The following DCTN3 variants were observed in gnomAD, a reference collection of about 807,000 sequenced individuals.
DCTN3 encodes dynactin subunit 3.
DCTN3 carries 25 observed loss-of-function variants against 28.4 expected under a neutral mutation model. That is an observed-to-expected ratio of 0.88 (90% CI 0.64 to 1.23). The LOEUF (loss-of-function observed/expected upper bound fraction) is 1.23, where lower values mean the gene tolerates loss of function less well. Among genes scored for constraint, DCTN3 ranks in the 50% most tolerant of loss-of-function variants. The pLI is 0.00. For missense variants in DCTN3, 229 were observed against 232.0 expected, an observed-to-expected ratio of 0.99 and a Z score of 0.08; for synonymous variants, 81 against 91.4, an observed-to-expected ratio of 0.89 and a Z score of 0.65.
At chr9:34,619,278 T>G (rs991280044) in intron 1 of DCTN3, among the ~76,000 whole-genome samples, 1 of 152,170 alleles carries the variant, frequency 6.6e-6, no homozygotes, top group Non-Finnish European at 1.5e-5. Flanking sequence ...CAGATTGAGT[T>G]TGAAATGACT....
chr9:34,614,383 G>C, intron 5 of DCTN3: 1 of 677,474 alleles, frequency 1.5e-6, no homozygotes, highest in Middle Eastern at 4.2e-4. Context: ...AACTCTCTTT[G>C]AACTTTACAC....
At position 34,614,104 on chromosome 9, in the gene DCTN3, G is replaced by A. The variant is rs2132298160; in HGVS notation, c.412-3C>T. ...TCAGTGATTTCCACACACTGGTCCTGTAGGGCCAAAGTGTAGCACAGAAAG... is the reference window on the plus strand; with the variant it reads ...TCAGTGATTTCCACACACTGGTCCTATAGGGCCAAAGTGTAGCACAGAAAG... On this transcript the variant is annotated splice_region_variant and splice_polypyrimidine_tract_variant and intron_variant, in intron 5 of 6. Coordinates refer to ENST00000259632, the MANE Select transcript of DCTN3 (RefSeq NM_007234.5). 1.2e-6 allele frequency: 2 copies of A among 1,614,128 alleles called. No homozygotes were observed. Among genetic ancestry groups the A allele is most frequent in the East Asian group, 2.2e-5 (1 of 44,882 alleles).
chr9:34,617,300 G>A (rs963664503), intron 3 of DCTN3, among the ~76,000 whole-genome samples: 3 of 152,194 alleles, frequency 2.0e-5, no homozygotes, highest in Non-Finnish European at 4.4e-5. Context: ...TGAGGGCAGG[G>A]ACTTTCTGGT....
Position 34,618,926 on chromosome 9 carries a change from C to T in DCTN3, c.97-166G>A, listed in dbSNP as rs375128324. Among the ~76,000 whole-genome samples the T allele has an allele frequency of 1.3e-3, 195 of 152,282 alleles. No homozygotes were observed. Among genetic ancestry groups the T allele is most frequent in the African/African-American group, 4.4e-3 (184 of 41,540 alleles). On this transcript the variant is annotated intron_variant, in intron 1 of 6. Coordinates refer to ENST00000259632, the MANE Select transcript of DCTN3 (RefSeq NM_007234.5). ...GATGCAGCCCCACCTTCCAGGAATC[C>T]TTAAAGTGGAGAGAGAGAATCATGT...
chr9:34,618,172 T>C (rs909285877), intron 2 of DCTN3, among the ~76,000 whole-genome samples: 1 of 152,166 alleles, frequency 6.6e-6, no homozygotes, highest in African/African-American at 2.4e-5. Context: ...AAGTCTCTTC[T>C]GACATCAAGC....
rs1820423061 is a variant in DCTN3, at chr9:34,616,259, G to A, written c.269-146C>T. The A allele has an allele frequency of 1.6e-6, 1 of 611,744 alleles. No individual in the cohort carries two copies. Among genetic ancestry groups the A allele is most frequent in the Non-Finnish European group, 3.0e-6 (1 of 338,696 alleles). The allele number at this position is 611,744 out of a possible 1,614,324, so 37.9% of individuals were successfully genotyped here. On this transcript the variant is annotated intron_variant, in intron 3 of 6. Coordinates refer to ENST00000259632, the MANE Select transcript of DCTN3 (RefSeq NM_007234.5). This position sits in a 1 kb window ranked among gnomAD's most constrained non-coding sequence, Gnocchi z 4.7. ...ACTCTGTCCACTGCCCCCTTCTCTA[G>A]GTGCACATTTCCATCCTGCCCCCAA...
chr9:34,620,187 C>A (rs948375715), intron 1 of DCTN3, among the ~76,000 whole-genome samples, 182 bp downstream of exon 1: 2 of 152,194 alleles, frequency 1.3e-5, no homozygotes, highest in African/African-American at 4.8e-5. Flanking sequence ...GCTTAACCAC[C>A]CGCAGAGCCC....
intron 5 of DCTN3, 135 bp downstream of exon 5, chr9:34,614,575 A>G (rs1200493277): frequency 1.0e-6 from 1 of 984,468 alleles, no homozygotes; most frequent in African/African-American, 1.6e-5. Context: ...GGCATATGCA[A>G]GATAAAGGAT....
chr9:34,620,051 C>T (rs911871197), intron 1 of DCTN3, among the ~76,000 whole-genome samples: 6 of 152,186 alleles, frequency 3.9e-5, no homozygotes, highest in Admixed American at 2.0e-4. Context: ...GCCTTCCTAT[C>T]GTGGACTTCA....
chr9:34,620,469 A>G lies in DCTN3; in HGVS notation c.-5T>C, dbSNP rs758008889. ...CAAGTCAGTCAGACCCGCCATCGCT[A>G]CTACCGACCCACCTCGGCCAGGAAA... On this transcript the variant is annotated 5_prime_UTR_variant, in exon 1 of 7. Coordinates refer to ENST00000259632, the MANE Select transcript of DCTN3 (RefSeq NM_007234.5). 26 of 1,549,332 alleles carry G rather than the reference A, an allele frequency of 1.7e-5. No individual in the cohort carries two copies. Among genetic ancestry groups the G allele is most frequent in the Non-Finnish European group, 2.0e-5 (23 of 1,147,326 alleles).
chr9:34,620,397 C>T lies in DCTN3; in HGVS notation c.68G>A (p.Gly23Glu), dbSNP rs1820528933. Residue 23 changes from glycine to glutamate, a missense_variant, in exon 1 of 7, where the codon GGG (glycine) becomes GAG (glutamate). By Grantham distance (98) the Gly-to-Glu change is moderately conservative (BLOSUM62 -2). Transcript: ENST00000259632. ...RVEELERWVY[G>E]PGGARGSRKV... ...CCGTGAGCCGCGCGCCCCGCCCGGC[C>T]CGTACACCCAGCGCTCCAGCTCTTC... The T allele has an allele frequency of 1.3e-6, 2 of 1,595,758 alleles. No homozygotes were observed. Among genetic ancestry groups the T allele is most frequent in the African/African-American group, 1.3e-5 (1 of 74,636 alleles).
intron 2 of DCTN3, 128 bp from the exon 3 acceptor site, chr9:34,618,099 C>T (rs1820465264): frequency 3.5e-6 from 3 of 847,830 alleles, no homozygotes; most frequent in South Asian, 1.7e-5. Context: ...AACAGTGCCA[C>T]ATGAGCAGGG....
intron 4 of DCTN3, chr9:34,615,037 G>A (rs1320565176): frequency 1.4e-5 from 7 of 483,932 alleles, no homozygotes; most frequent in Non-Finnish European, 1.8e-5. Flanking sequence ...CCCCACCCCA[G>A]TGCTATAAGC....
chr9:34,616,158 G>T lies in DCTN3; in HGVS notation c.269-45C>A. The T allele has an allele frequency of 6.6e-7, 1 of 1,520,786 alleles. No individual in the cohort carries two copies. Among genetic ancestry groups the T allele is most frequent in the South Asian group, 1.1e-5 (1 of 88,594 alleles). The allele number at this position is 1,520,786 out of a possible 1,614,324, so 94.2% of individuals were successfully genotyped here. On this transcript the variant is annotated intron_variant, in intron 3 of 6. Coordinates refer to ENST00000259632, the MANE Select transcript of DCTN3 (RefSeq NM_007234.5). The surrounding 1 kb of genome is among the most constrained non-coding windows in gnomAD (Gnocchi z 4.7). ...GATAGTTGCAGTGAAGCAAACCTGGGCATTGCTAATCAGCCCATGTAAGGG... is the reference window on the plus strand; with the variant it reads ...GATAGTTGCAGTGAAGCAAACCTGGTCATTGCTAATCAGCCCATGTAAGGG...
intron 6 of DCTN3, 85 bp from the exon 7 acceptor site, chr9:34,613,956 T>A: frequency 6.2e-7 from 1 of 1,611,842 alleles, no homozygotes; most frequent in South Asian, 1.1e-5. Context: ...GTGGGTAGGA[T>A]AGGATGAGAG....
chr9:34,613,775 G>A lies in DCTN3; in HGVS notation c.*7C>T. On this transcript the variant is annotated 3_prime_UTR_variant, in exon 7 of 7. Coordinates refer to ENST00000259632, the MANE Select transcript of DCTN3 (RefSeq NM_007234.5). The stretch of plus-strand genomic sequence containing the variant: ...GCCCAGGCCCACTTTGGGATGGGGA[G>A]CAGCTATCACTCCTCTGCTGGCTTC... 1 of 1,613,642 alleles carries A rather than the reference G, an allele frequency of 6.2e-7. No homozygotes were observed. Among genetic ancestry groups the A allele is most frequent in the Non-Finnish European group, 8.5e-7 (1 of 1,179,772 alleles).
chr9:34,617,732 T>C (rs546123991), intron 3 of DCTN3, 153 bp downstream of exon 3: 34 of 1,519,382 alleles, frequency 2.2e-5, no homozygotes, highest in Admixed American at 2.0e-4. Context: ...AGAGGATCCA[T>C]AGGATCCTCA....
At chr9:34,614,898 C>T (rs975924281) in intron 4 of DCTN3, 130 bp from the exon 5 acceptor site, 2 of 1,105,140 alleles carry the variant, frequency 1.8e-6, no homozygotes, top group African/African-American at 3.1e-5. Context: ...ACTTCATCGA[C>T]TGCTGCAGCT....
chr9:34,613,995 G>A (rs1820362834), intron 6 of DCTN3, 47 bp downstream of exon 6: 1 of 1,605,794 alleles, frequency 6.2e-7, no homozygotes, highest in Non-Finnish European at 8.5e-7. Flanking sequence ...AAAGGACAGG[G>A]CTTAGGGACA....
Sources: gnomAD v4.1 joint callset for allele counts (sites outside exome capture counted in the v4.1 genomes callset) on GRCh38, gnomAD v4.1.1 for gene constraint, Gnocchi (gnomAD v3.1) non-coding constraint, MANE v1.5 for transcripts, NCBI Gene and HGNC (gene_info 2026-07-23, HGNC 2026-07-21) for gene names.